Variants in RANBP17 observed in about 807,000 individuals in gnomAD.
RANBP17 encodes the protein RAN binding protein 17, also known as ran-binding protein 17.
A neutral mutation model predicts 141.2 loss-of-function variants in RANBP17; 158 were observed. The ratio of observed to expected loss-of-function variants is 1.12; its 90% CI spans 0.98 to 1.28. The LOEUF (loss-of-function observed/expected upper bound fraction) is 1.28, where lower values mean the gene tolerates loss of function less well. Ranked by LOEUF, RANBP17 falls within the 50% of genes most tolerant of loss-of-function variation. The probability of loss-of-function intolerance (pLI) is 0.00; values close to 1 mark genes in which losing one functional copy is unlikely to be tolerated. For missense variants in RANBP17, 1,438 were observed against 1,290.7 expected (o/e 1.11, Z -1.75); for synonymous variants, 430 against 450.0 (o/e 0.96, Z 0.56).
At chr5:170,950,980 A>G (rs767920019) in intron 12 of RANBP17, among the ~76,000 whole-genome samples, 8 of 152,110 alleles carry the variant, frequency 5.3e-5, no homozygotes, top group Non-Finnish European at 1.0e-4. Context: ...AAAGACAAAT[A>G]CCATGTGTTC....
At chr5:171,141,555 C>T (rs142274735) in intron 14 of RANBP17, among the ~76,000 whole-genome samples, 2,836 of 129,968 alleles carry the variant, frequency 0.022, 106 homozygotes, top group African/African-American at 0.078. Flanking sequence ...TGCAGTGAGC[C>T]GAGATCTCAC....
chr5:171,287,362 T>G (rs1768229045), intron 25 of RANBP17, among the ~76,000 whole-genome samples: 1 of 151,994 alleles, frequency 6.6e-6, no homozygotes, highest in South Asian at 2.1e-4. Flanking sequence ...TGGTGGCCCG[T>G]GCCTATAGCC....
chr5:171,063,149 T>A (rs1440740685), intron 14 of RANBP17, among the ~76,000 whole-genome samples: 1 of 152,262 alleles, frequency 6.6e-6, no homozygotes. Flanking sequence ...TGAAGCCTTC[T>A]TCTCTCAACT....
At chr5:170,942,111 C>T (rs980253932) in intron 12 of RANBP17, among the ~76,000 whole-genome samples, 3 of 152,220 alleles carry the variant, frequency 2.0e-5, no homozygotes, top group South Asian at 2.1e-4. Context: ...AGTGCACATG[C>T]GAGGGATCTA....
intron 14 of RANBP17, among the ~76,000 whole-genome samples, chr5:170,984,710 C>T (rs1363508396): frequency 6.6e-6 from 1 of 151,966 alleles, no homozygotes; most frequent in African/African-American, 2.4e-5. Context: ...TAATTTAAAA[C>T]GTTAAAACTC....
chr5:171,109,249 A>G (rs923776896), intron 14 of RANBP17, among the ~76,000 whole-genome samples: 3 of 152,202 alleles, frequency 2.0e-5, no homozygotes, highest in African/African-American at 7.2e-5. Flanking sequence ...TGCCTTTTTT[A>G]TGAATTTCAA....
intron 14 of RANBP17, among the ~76,000 whole-genome samples, chr5:170,976,062 T>A (rs1057091368): frequency 4.6e-5 from 7 of 151,928 alleles, no homozygotes; most frequent in African/African-American, 1.7e-4. Context: ...AGGGATTACA[T>A]CTCTACTTGC....
At chr5:171,196,942 CT>C (rs963509643) in intron 18 of RANBP17, among the ~76,000 whole-genome samples, 1 of 152,186 alleles carries the variant, frequency 6.6e-6, no homozygotes, top group African/African-American at 2.4e-5. Context: ...GCATTCACCA[CT>C]GCTCCCAGCT....
At chr5:171,006,597 G>C (rs1443606723) in intron 14 of RANBP17, among the ~76,000 whole-genome samples, 4 of 152,142 alleles carry the variant, frequency 2.6e-5, no homozygotes, top group African/African-American at 7.2e-5. Context: ...GGCCTATTGT[G>C]GGGTGGGGGA....
At chr5:170,945,233 T>C (rs1376089814) in intron 12 of RANBP17, among the ~76,000 whole-genome samples, 3 of 152,158 alleles carry the variant, frequency 2.0e-5, no homozygotes, top group African/African-American at 4.8e-5. Context: ...TAAGCCTCTT[T>C]GGTAGAGAGG....
rs72488636 is a variant in RANBP17 at position 171,055,880 on chromosome 5, C to CAAAAAAA, written c.1710+87513_1710+87519dup. Among the ~76,000 whole-genome samples, 41 of 25,092 alleles carry CAAAAAAA rather than the reference C, an allele frequency of 1.6e-3. 4 individuals are homozygous for CAAAAAAA. The highest frequency in any genetic ancestry group is 4.2e-3 in the African/African-American group (40 of 9,556). The allele number at this position is 25,092 out of a possible 152,430, so 16.5% of individuals were successfully genotyped here. A position where few individuals can be genotyped will look rare whatever the true frequency, so the allele number is the denominator to read the frequency against. ...AGTTTCTCCAGTTGTGTCCTGTTGC[C>CAAAAAAA]AAAAAAAAAAAAAAAACAAAAAAAA... is the stretch of plus-strand genomic sequence containing the variant. On this transcript the variant is annotated intron_variant, in intron 14 of 27. Transcript: ENST00000523189.
chr5:171,057,528 A>T (rs143267752), intron 14 of RANBP17, among the ~76,000 whole-genome samples: 1 of 152,144 alleles, frequency 6.6e-6, no homozygotes, highest in Non-Finnish European at 1.5e-5. Context: ...TTGTGTGGAT[A>T]TCATAGGGTA....
At chr5:171,213,802 A>G in intron 21 of RANBP17, 64 bp downstream of exon 21, 1 of 1,247,860 alleles carries the variant, frequency 8.0e-7, no homozygotes, top group Non-Finnish European at 1.2e-6. Flanking sequence ...CAACAGTCAG[A>G]CTTTCTTTTT....
intron 12 of RANBP17, among the ~76,000 whole-genome samples, chr5:170,950,426 C>T (rs1775117670): frequency 6.6e-6 from 1 of 151,716 alleles, no homozygotes; most frequent in Non-Finnish European, 1.5e-5. Flanking sequence ...AGTCAAATGA[C>T]ATGAATAGAC....
At chr5:171,272,987 C>T (rs144585253) in intron 25 of RANBP17, among the ~76,000 whole-genome samples, 6 of 152,242 alleles carry the variant, frequency 3.9e-5, no homozygotes, top group South Asian at 2.1e-4. Flanking sequence ...TAGTAGGACA[C>T]GTAGTCTTGA....
chr5:170,866,024 G>T (rs573626505), intron 1 of RANBP17, among the ~76,000 whole-genome samples: 59 of 152,108 alleles, frequency 3.9e-4, no homozygotes, highest in Admixed American at 1.6e-3. Flanking sequence ...GTTTTTACTG[G>T]GGCTTCAGTT....
chr5:171,257,499 C>T (rs1004685410), intron 24 of RANBP17, among the ~76,000 whole-genome samples: 6 of 152,048 alleles, frequency 3.9e-5, no homozygotes, highest in African/African-American at 1.4e-4. Flanking sequence ...AGAACTAAAA[C>T]AAGACAAGGA....
intron 14 of RANBP17, among the ~76,000 whole-genome samples, chr5:170,975,050 C>A (rs1171139525): frequency 2.6e-5 from 4 of 152,146 alleles, no homozygotes; most frequent in African/African-American, 9.7e-5. Flanking sequence ...CCAGTCCAGG[C>A]ACACCTTTTG....
intron 12 of RANBP17, among the ~76,000 whole-genome samples, chr5:170,945,950 A>T (rs1774721812): frequency 6.6e-6 from 1 of 152,130 alleles, no homozygotes; most frequent in African/African-American, 2.4e-5. Flanking sequence ...CGCTTAAGAG[A>T]TTGTTGGATT....
Sources: gnomAD v4.1 joint callset for allele counts (sites outside exome capture counted in the v4.1 genomes callset) on GRCh38, gnomAD v4.1.1 for gene constraint, MANE v1.5 for transcripts, NCBI Gene and HGNC (gene_info 2026-07-23, HGNC 2026-07-21) for gene names.